BRIP1: variants seen among roughly 807,000 people sequenced by gnomAD.
The protein encoded by BRIP1 is Fanconi anemia group J protein.
In BRIP1, 88 loss-of-function variants were observed where a neutral mutation model predicts 119.7. The ratio of observed to expected loss-of-function variants is 0.74; its 90% CI spans 0.62 to 0.88. BRIP1 has a LOEUF of 0.88. Among genes scored for constraint, BRIP1 ranks in the 40% least tolerant of loss-of-function variants. BRIP1 has a pLI of 0.00. For missense variants in BRIP1, 1,259 were observed against 1,455.4 expected (o/e 0.87, Z 2.20); for synonymous variants, 443 against 496.5 (o/e 0.89, Z 1.43).
chr17:61,689,828 T>G lies in BRIP1; in HGVS notation c.2575+3602A>C, dbSNP rs1315786860. ...GAGTTTGAGATTAGCCTGGGCAACA[T>G]AGTGAGACCCCATCTCTACAAAAAA... On this transcript the variant is annotated intron_variant, in intron 18 of 19. Transcript: ENST00000259008. This position sits in a 1 kb window ranked among gnomAD's most constrained non-coding sequence, Gnocchi z 4.5. Among the ~76,000 whole-genome samples the G allele has an allele frequency of 1.3e-5, 2 of 151,902 alleles. No homozygotes were observed. Among genetic ancestry groups the G allele is most frequent in the African/African-American group, 2.4e-5 (1 of 41,356 alleles).
chr17:61,806,358 A>C lies in BRIP1; in HGVS notation c.918+2109T>G, dbSNP rs2078073028. ...CTAACAGGGCTTGAGAACAAGAAAG[A>C]GGATGTTCATGTATGCCCGTGAGGT... On this transcript the variant is annotated intron_variant, in intron 7 of 19. Transcript: ENST00000259008. The surrounding 1 kb of genome is among the most constrained non-coding windows in gnomAD (Gnocchi z 4.9). 1.3e-5 allele frequency among the ~76,000 whole-genome samples: 2 copies of C among 152,218 alleles called. No homozygotes were observed. Among genetic ancestry groups the C allele is most frequent in the Non-Finnish European group, 2.9e-5 (2 of 68,032 alleles).
Position 61,730,855 on chromosome 17 carries a change from T to G in BRIP1, c.2379+12158A>C, listed in dbSNP as rs1489824080. On this transcript the variant is annotated intron_variant, in intron 16 of 19. Transcript: ENST00000259008. The surrounding 1 kb of genome is among the most constrained non-coding windows in gnomAD (Gnocchi z 4.3). ...TTAAAAATATGGAGAATTTAAAAAT[T>G]AACCTCAGCAATTCATCCATTTGTT... 6.6e-6 allele frequency among the ~76,000 whole-genome samples: 1 copy of G among 152,112 alleles called. No homozygotes were observed. Among genetic ancestry groups the G allele is most frequent in the Non-Finnish European group, 1.5e-5 (1 of 68,030 alleles).
intron 10 of BRIP1, among the ~76,000 whole-genome samples, chr17:61,786,811 A>C (rs911143185): frequency 7.7e-6 from 1 of 129,920 alleles, no homozygotes; most frequent in Non-Finnish European, 1.6e-5. Context: ...ATATTTATAT[A>C]TTTTATATAA....
chr17:61,682,750 G>A lies in BRIP1; in HGVS notation c.*546C>T, dbSNP rs2144060319. On this transcript the variant is annotated 3_prime_UTR_variant, in exon 20 of 20. Transcript: ENST00000259008. The surrounding 1 kb of genome is among the most constrained non-coding windows in gnomAD (Gnocchi z 4.9). The stretch of plus-strand genomic sequence containing the variant: ...TATGAATATTTACGTGAAACTAGAA[G>A]TGCCCTAGGATCTTTGAATAATTTT... The A allele has an allele frequency of 5.2e-6, 1 of 191,444 alleles. No individual in the cohort carries two copies. 11.9% of individuals were successfully genotyped at this position (191,444 alleles called of 1,614,324 possible). A position where few individuals can be genotyped will look rare whatever the true frequency, so the allele number is the denominator to read the frequency against.
In BRIP1 at chr17:61,853,658, G is replaced by A. The variant is rs1052205585; in HGVS notation, c.379+3400C>T. 2.0e-5 allele frequency among the ~76,000 whole-genome samples: 3 copies of A among 152,128 alleles called. No individual in the cohort carries two copies. The highest frequency in any genetic ancestry group is 4.8e-5 in the African/African-American group (2 of 41,494). On this transcript the variant is annotated intron_variant, in intron 4 of 19. Transcript: ENST00000259008. The surrounding 1 kb of genome is among the most constrained non-coding windows in gnomAD (Gnocchi z 4.3). The stretch of plus-strand genomic sequence containing the variant: ...GTAGTGGATAAAGGATAGCCTTTTC[G>A]ATATATCCAGGTGCTGAACAACTGG...
chr17:61,839,800 A>C (rs1469919814), intron 6 of BRIP1, among the ~76,000 whole-genome samples: 1 of 152,232 alleles, frequency 6.6e-6, no homozygotes, highest in Non-Finnish European at 1.5e-5. Context: ...CCTAAAGCCA[A>C]GGAAGAAAAT....
rs2061618588 is a variant in BRIP1, at chr17:61,701,801, CA to C, written c.2493-8290del. Among the ~76,000 whole-genome samples, 1 of 152,128 alleles carries C rather than the reference CA, an allele frequency of 6.6e-6. No individual in the cohort carries two copies. Among genetic ancestry groups the C allele is most frequent in the Admixed American group, 6.6e-5 (1 of 15,264 alleles). On this transcript the variant is annotated intron_variant, in intron 17 of 19. Coordinates refer to ENST00000259008, the MANE Select transcript of BRIP1 (RefSeq NM_032043.3). The surrounding 1 kb of genome is among the most constrained non-coding windows in gnomAD (Gnocchi z 5.1). ...TGGCTGGGTGAGCTCTGAGTCAGGT[CA>C]AATAAAGATAGCCTTGTGAGTGGGG... is the stretch of plus-strand genomic sequence containing the variant.
rs1216933907 is a variant in BRIP1, at chr17:61,760,970, C to A, written c.2097+15431G>T. Among the ~76,000 whole-genome samples the A allele has an allele frequency of 1.3e-5, 2 of 151,976 alleles. No homozygotes were observed. Among genetic ancestry groups the A allele is most frequent in the East Asian group, 3.8e-4 (2 of 5,202 alleles). ...AATACAAGAAAAGAAAACTGTAGGCCAATATCCTTGATAAATAGAAAAGCA... is the reference window on the plus strand; with the variant it reads ...AATACAAGAAAAGAAAACTGTAGGCAAATATCCTTGATAAATAGAAAAGCA... On this transcript the variant is annotated intron_variant, in intron 14 of 19. Coordinates refer to ENST00000259008, the MANE Select transcript of BRIP1 (RefSeq NM_032043.3). The surrounding 1 kb of genome is among the most constrained non-coding windows in gnomAD (Gnocchi z 4.6).
At position 61,734,411 on chromosome 17, in the gene BRIP1, G is replaced by A. The variant is rs1038344639; in HGVS notation, c.2379+8602C>T. ...AAAGTTTTCTTTTTAACTATTATAC[G>A]ATTAAGTATATCCTTATGAATGATC... On this transcript the variant is annotated intron_variant, in intron 16 of 19. Coordinates refer to ENST00000259008, the MANE Select transcript of BRIP1 (RefSeq NM_032043.3). This position sits in a 1 kb window ranked among gnomAD's most constrained non-coding sequence, Gnocchi z 5.2. Among the ~76,000 whole-genome samples the A allele has an allele frequency of 5.3e-5, 8 of 152,054 alleles. No individual in the cohort carries two copies. Among genetic ancestry groups the A allele is most frequent in the Admixed American group, 1.3e-4 (2 of 15,264 alleles).
chr17:61,847,305 G>T, intron 5 of BRIP1, 85 bp from the exon 6 acceptor site: 2 of 1,463,700 alleles, frequency 1.4e-6, no homozygotes, highest in Non-Finnish European at 1.9e-6. Context: ...ACAGCTCTAT[G>T]TATTTTTTTC....
At position 61,842,910 on chromosome 17, in the gene BRIP1, T is replaced by G. The variant is rs1440212121; in HGVS notation, c.627+4191A>C. ...GTTTAAAAAATCAAGGTTATACAGT[T>G]AATAAAGAGTAGAGCTATGATTAAA... is the stretch of plus-strand genomic sequence containing the variant. On this transcript the variant is annotated intron_variant, in intron 6 of 19. Coordinates refer to ENST00000259008, the MANE Select transcript of BRIP1 (RefSeq NM_032043.3). This position sits in a 1 kb window ranked among gnomAD's most constrained non-coding sequence, Gnocchi z 5.1. 6.6e-6 allele frequency among the ~76,000 whole-genome samples: 1 copy of G among 152,212 alleles called. No homozygotes were observed. Among genetic ancestry groups the G allele is most frequent in the Non-Finnish European group, 1.5e-5 (1 of 68,048 alleles).
intron 10 of BRIP1, among the ~76,000 whole-genome samples, chr17:61,788,820 C>T (rs757374695): frequency 3.3e-5 from 5 of 151,804 alleles, no homozygotes; most frequent in Non-Finnish European, 5.9e-5. Flanking sequence ...AAGCCAGGCA[C>T]GGGTGGCTCA....
chr17:61,723,336 AAC>A (rs1430826621), intron 16 of BRIP1, among the ~76,000 whole-genome samples: 2 of 152,196 alleles, frequency 1.3e-5, no homozygotes, highest in African/African-American at 4.8e-5. Flanking sequence ...CATCCTTATA[AAC>A]ACATTCTTAT....
In BRIP1 at chr17:61,806,596, G is replaced by C. The variant is rs2078076567; in HGVS notation, c.918+1871C>G. Among the ~76,000 whole-genome samples the C allele has an allele frequency of 6.6e-6, 1 of 152,180 alleles. No homozygotes were observed. The highest frequency in any genetic ancestry group is 2.4e-5 in the African/African-American group (1 of 41,434). On this transcript the variant is annotated intron_variant, in intron 7 of 19. Transcript: ENST00000259008. The surrounding 1 kb of genome is among the most constrained non-coding windows in gnomAD (Gnocchi z 4.9). ...GATCAATAAAAACGTAACCAGCACT[G>C]TAGGATTCTAGGTTACACAAAATGA... is the stretch of plus-strand genomic sequence containing the variant.
Position 61,859,837 on chromosome 17 carries a change from GC to G in BRIP1, c.163del (p.Ala55ProfsTer7). ...CCATGCTAAAGCAGAACAAAGTAAG[GC>G]TAAGCTTTTTCCACTTCCTGTGGGA... Reference protein sequence around the residue: ...ESPTGSGKSLALLCSALAWQQ... With the variant: ...ESPTGSGKSLXLLCSALAWQQ... On this transcript the variant is annotated frameshift_variant, in exon 3 of 20. Coordinates refer to ENST00000259008, the MANE Select transcript of BRIP1 (RefSeq NM_032043.3). LOFTEE classifies it high-confidence loss of function. 1.2e-6 allele frequency: 2 copies of G among 1,613,918 alleles called. No individual in the cohort carries two copies. Among genetic ancestry groups the G allele is most frequent in the Non-Finnish European group, 1.7e-6 (2 of 1,179,870 alleles).
At chr17:61,786,886 T>G (rs2077721347) in intron 10 of BRIP1, among the ~76,000 whole-genome samples, 2 of 118,086 alleles carry the variant, frequency 1.7e-5, no homozygotes, top group African/African-American at 6.5e-5. Context: ...TATTAATATA[T>G]AAATATATTT....
chr17:61,830,847 T>C (rs1305900554), intron 6 of BRIP1, among the ~76,000 whole-genome samples: 1 of 152,124 alleles, frequency 6.6e-6, no homozygotes, highest in African/African-American at 2.4e-5. Flanking sequence ...AATATTCTTA[T>C]GAACATAGAT....
chr17:61,828,920 C>T lies in BRIP1; in HGVS notation c.627+18181G>A, dbSNP rs1023402864. ...AGTTGAAATATTATTTGAAGGTACA[C>T]TGTGATAAGTTTAAGATGCAAAGTA... On this transcript the variant is annotated intron_variant, in intron 6 of 19. Transcript: ENST00000259008. This position sits in a 1 kb window ranked among gnomAD's most constrained non-coding sequence, Gnocchi z 4.1. 6.6e-6 allele frequency among the ~76,000 whole-genome samples: 1 copy of T among 152,096 alleles called. No individual in the cohort carries two copies. Among genetic ancestry groups the T allele is most frequent in the Non-Finnish European group, 1.5e-5 (1 of 67,996 alleles).
In BRIP1 at chr17:61,780,059, T is replaced by C. The variant is rs2077590486; in HGVS notation, c.1935+202A>G. On this transcript the variant is annotated intron_variant, in intron 13 of 19. Transcript: ENST00000259008. The surrounding 1 kb of genome is among the most constrained non-coding windows in gnomAD (Gnocchi z 5.4). ...GAAGAAGAAGCTGAAATACAGCCTT[T>C]TGCATCCCAAGTGACTGGATTATTT... Among the ~76,000 whole-genome samples, 3 of 152,204 alleles carry C rather than the reference T, an allele frequency of 2.0e-5. No individual in the cohort carries two copies. Among genetic ancestry groups the C allele is most frequent in the South Asian group, 2.1e-4 (1 of 4,832 alleles).
Sources: gnomAD v4.1 joint callset for allele counts (sites outside exome capture counted in the v4.1 genomes callset) on GRCh38, gnomAD v4.1.1 for gene constraint, Gnocchi (gnomAD v3.1) non-coding constraint, MANE v1.5 for transcripts, NCBI Gene and HGNC (gene_info 2026-07-23, HGNC 2026-07-21) for gene names.